LTBP1: variants seen among roughly 807,000 people sequenced by gnomAD.
LTBP1 encodes latent-transforming growth factor beta-binding protein 1.
LTBP1 carries 129 observed loss-of-function variants against 207.6 expected under a neutral mutation model. The observed-to-expected ratio is 0.62, with a 90% CI of 0.54 to 0.72. The LOEUF (loss-of-function observed/expected upper bound fraction) is 0.72, where lower values mean the gene tolerates loss of function less well. Among genes scored for constraint, LTBP1 ranks in the 30% least tolerant of loss-of-function variants. LTBP1 has a pLI of 0.00. For synonymous variants in LTBP1, 963 were observed against 833.7 expected, an observed-to-expected ratio of 1.16 and a Z score of -2.67; for missense variants, 2,281 against 2,217.2, an observed-to-expected ratio of 1.03 and a Z score of -0.58.
intron 3 of LTBP1, among the ~76,000 whole-genome samples, chr2:33,059,740 A>G (rs996079310): frequency 6.6e-6 from 1 of 152,188 alleles, no homozygotes; most frequent in Non-Finnish European, 1.5e-5. Flanking sequence ...ACTTTTTTCC[A>G]TGAAATAGTT....
At chr2:33,094,063 T>C (rs2079253231) in intron 3 of LTBP1, among the ~76,000 whole-genome samples, 1 of 152,218 alleles carries the variant, frequency 6.6e-6, no homozygotes, top group Non-Finnish European at 1.5e-5. Flanking sequence ...GGGTTAGTAA[T>C]GTAAGTTAAT....
chr2:33,301,328 C>T (rs940434077), intron 21 of LTBP1, among the ~76,000 whole-genome samples, 194 bp from the exon 22 acceptor site: 1 of 152,140 alleles, frequency 6.6e-6, no homozygotes, highest in African/African-American at 2.4e-5. Context: ...ACAATATCCA[C>T]GTCTTCATGT....
At chr2:33,042,531 C>A (rs1248763509) in intron 3 of LTBP1, among the ~76,000 whole-genome samples, 1 of 152,148 alleles carries the variant, frequency 6.6e-6, no homozygotes, top group Non-Finnish European at 1.5e-5. Flanking sequence ...CCAGTGGAAG[C>A]TGGAAGGATT....
At chr2:33,346,647 T>A (rs768409453) in intron 25 of LTBP1, among the ~76,000 whole-genome samples, 1 of 151,058 alleles carries the variant, frequency 6.6e-6, no homozygotes, top group Non-Finnish European at 1.5e-5. Flanking sequence ...ATCACGGCAC[T>A]GCACTCCAGC....
chr2:33,061,763 A>G (rs901387648), intron 3 of LTBP1, among the ~76,000 whole-genome samples: 1 of 152,196 alleles, frequency 6.6e-6, no homozygotes, highest in African/African-American at 2.4e-5. Flanking sequence ...TAAAGCTGCC[A>G]TGATCATTCT....
chr2:33,160,830 A>G (rs1195668995), intron 5 of LTBP1, among the ~76,000 whole-genome samples: 1 of 152,176 alleles, frequency 6.6e-6, no homozygotes, highest in East Asian at 1.9e-4. Context: ...TTCGGAGATG[A>G]CATCTAGGCC....
At chr2:33,320,380 G>A (rs1436491256) in intron 24 of LTBP1, among the ~76,000 whole-genome samples, 1 of 148,426 alleles carries the variant, frequency 6.7e-6, no homozygotes, top group Non-Finnish European at 1.5e-5. Context: ...AGAAAAAAAA[G>A]CGTGATAAAC....
intron 2 of LTBP1, among the ~76,000 whole-genome samples, chr2:32,950,876 G>T (rs1249277742): frequency 6.6e-6 from 1 of 152,162 alleles, no homozygotes; most frequent in Non-Finnish European, 1.5e-5. Context: ...CAGGTTGCTT[G>T]GGGAATTCGG....
chr2:33,046,685 T>C lies in LTBP1; in HGVS notation c.863+25479T>C, dbSNP rs56347030. On this transcript the variant is annotated intron_variant, in intron 3 of 33. Transcript: ENST00000404816. Reference sequence around the variant, plus strand: ...CTGTTTGGAATAGTTTCAGAAGGAATGGTACCAGCTCCTTTTTGTACCTCT... The same window carrying C: ...CTGTTTGGAATAGTTTCAGAAGGAACGGTACCAGCTCCTTTTTGTACCTCT... Among the ~76,000 whole-genome samples, 6 of 152,300 alleles carry C rather than the reference T, an allele frequency of 3.9e-5. 1 individual carries two copies. Among genetic ancestry groups the C allele is most frequent in the Admixed American group, 2.0e-4 (3 of 15,300 alleles).
intron 31 of LTBP1, among the ~76,000 whole-genome samples, chr2:33,377,025 C>G (rs1421061605): frequency 6.6e-6 from 1 of 152,126 alleles, no homozygotes; most frequent in Non-Finnish European, 1.5e-5. Context: ...AGCCACATTC[C>G]AGTTATGATC....
chr2:33,300,341 TA>T, intron 20 of LTBP1, 109 bp from the exon 21 acceptor site: 1 of 1,068,254 alleles, frequency 9.4e-7, no homozygotes, highest in Non-Finnish European at 1.4e-6. Flanking sequence ...GTGCCAGACA[TA>T]AGAAGTACTA....
At chr2:32,997,251 C>G (rs1008705923) in intron 2 of LTBP1, among the ~76,000 whole-genome samples, 2 of 152,062 alleles carry the variant, frequency 1.3e-5, no homozygotes, top group African/African-American at 4.8e-5. Context: ...TGGCTCACTT[C>G]TGTAATCTCA....
At chr2:33,179,929 T>C (rs2086449917) in intron 5 of LTBP1, among the ~76,000 whole-genome samples, 1 of 152,210 alleles carries the variant, frequency 6.6e-6, no homozygotes. Context: ...CCTGTGTCTG[T>C]ATCTGAAACC....
intron 3 of LTBP1, among the ~76,000 whole-genome samples, chr2:33,063,853 C>CTTT (rs58115868): frequency 1.4e-5 from 2 of 147,576 alleles, no homozygotes; most frequent in Non-Finnish European, 1.5e-5. Context: ...ATTGTATATT[C>CTTT]TTTTTTTTTT....
Position 33,150,710 on chromosome 2 carries a change from CTTTTTTTTT to C in LTBP1, c.1201+15768_1201+15776del, listed in dbSNP as rs1176008947. Among the ~76,000 whole-genome samples the C allele has an allele frequency of 2.9e-3, 202 of 69,300 alleles. 1 individual carries two copies. Among genetic ancestry groups the C allele is most frequent in the South Asian group, 0.013 (21 of 1,618 alleles). 45.5% of individuals were successfully genotyped at this position (69,300 alleles called of 152,430 possible). On this transcript the variant is annotated intron_variant, in intron 5 of 33. Coordinates refer to ENST00000404816, the MANE Select transcript of LTBP1 (RefSeq NM_206943.4). The stretch of plus-strand genomic sequence containing the variant: ...CTTTTCTTTTTTCTTTTTTCTTTTT[CTTTTTTTTT>C]TTTTTTTTTTTTTTTTTGAGACAGA...
At chr2:32,992,087 A>G (rs967875725) in intron 2 of LTBP1, among the ~76,000 whole-genome samples, 5 of 152,256 alleles carry the variant, frequency 3.3e-5, no homozygotes, top group African/African-American at 4.8e-5. Context: ...AGATCTTACG[A>G]TATCTGCTCA....
At chr2:33,303,750 G>C (rs1439778586) in intron 22 of LTBP1, among the ~76,000 whole-genome samples, 1 of 152,172 alleles carries the variant, frequency 6.6e-6, no homozygotes, top group East Asian at 1.9e-4. Flanking sequence ...TCCAGCTGCT[G>C]ATCTGTCAGG....
intron 26 of LTBP1, among the ~76,000 whole-genome samples, chr2:33,355,331 C>A (rs183050792): frequency 6.6e-6 from 1 of 152,134 alleles, no homozygotes; most frequent in Admixed American, 6.6e-5. Flanking sequence ...CCCACTGATA[C>A]CAAAATCCAC....
intron 24 of LTBP1, among the ~76,000 whole-genome samples, chr2:33,323,753 C>T (rs747175524): frequency 2.0e-5 from 3 of 152,192 alleles, no homozygotes; most frequent in Non-Finnish European, 4.4e-5. Flanking sequence ...GTCTGTAGCT[C>T]ATCCTGGAGT....
Sources: allele counts gnomAD v4.1 joint callset (sites outside exome capture counted in the v4.1 genomes callset), GRCh38; gene constraint gnomAD v4.1.1; transcripts MANE v1.5; gene names NCBI Gene and HGNC (gene_info 2026-07-23, HGNC 2026-07-21).